Variants in HNF1A observed in about 807,000 individuals in gnomAD.
HNF1A encodes HNF1 homeobox A.
HNF1A carries 21 observed loss-of-function variants against 62.2 expected under a neutral mutation model. The ratio of observed to expected loss-of-function variants is 0.34; its 90% CI spans 0.24 to 0.49. HNF1A has a LOEUF of 0.49. Ranked by LOEUF, HNF1A falls within the 20% of genes least tolerant of loss-of-function variation. The pLI is 0.99. For missense variants in HNF1A, 687 were observed against 832.3 expected (o/e 0.83, Z 2.15); for synonymous variants, 374 against 366.8 (o/e 1.02, Z -0.22).
chr12:120,980,183 C>T (rs1292610115), intron 1 of HNF1A, among the ~76,000 whole-genome samples: 1 of 152,132 alleles, frequency 6.6e-6, no homozygotes, highest in South Asian at 2.1e-4. Flanking sequence ...GGCTTAGAGC[C>T]GGGAAGGAGC....
chr12:120,994,373 C>T lies in HNF1A; in HGVS notation c.923C>T (p.Pro308Leu), dbSNP rs754306821. Residue 308 changes from proline to leucine, a missense_variant, in exon 4 of 10, where the codon CCT becomes CTT. Physicochemically the swap from Pro to Leu is moderately conservative, Grantham distance 98. This residue lies in a region of HNF1A where 408 missense variants were observed against 455.3 expected (regional missense o/e 0.90). Coordinates refer to ENST00000257555, the MANE Select transcript of HNF1A (RefSeq NM_000545.8). ...ALPAHSSPGL[P>L]PPALSPSKVH... is the part of the protein sequence containing the mutation. Reference sequence around the variant, plus strand: ...CCCGCTCACAGCTCCCCTGGCCTGCCTCCACCTGCCCTCTCCCCCAGTAAG... The same window carrying T: ...CCCGCTCACAGCTCCCCTGGCCTGCTTCCACCTGCCCTCTCCCCCAGTAAG... 17 of 1,594,080 alleles carry T rather than the reference C, an allele frequency of 1.1e-5. No homozygotes were observed. The Admixed American group carries it at 1.2e-4, about 12-fold the overall frequency.
intron 4 of HNF1A, among the ~76,000 whole-genome samples, chr12:120,995,039 C>G (rs1877030807): frequency 6.6e-6 from 1 of 151,638 alleles, no homozygotes; most frequent in East Asian, 1.9e-4. Flanking sequence ...CCATCCACTC[C>G]CCTCCATCCA....
intron 1 of HNF1A, among the ~76,000 whole-genome samples, chr12:120,980,480 G>A (rs1423772848): frequency 3.9e-5 from 6 of 152,026 alleles, no homozygotes; most frequent in Non-Finnish European, 8.8e-5. Context: ...GCAGGAAGAG[G>A]AGGGCAAAGG....
At chr12:120,984,205 A>G (rs1286134908) in intron 1 of HNF1A, among the ~76,000 whole-genome samples, 1 of 152,106 alleles carries the variant, frequency 6.6e-6, no homozygotes. Flanking sequence ...AGCTCACTTT[A>G]ACAGTTTGCT....
At chr12:120,998,956 A>G (rs1346065139) in intron 7 of HNF1A, among the ~76,000 whole-genome samples, 1 of 152,180 alleles carries the variant, frequency 6.6e-6, no homozygotes, top group Non-Finnish European at 1.5e-5. Flanking sequence ...TGCTTAGTAC[A>G]GTAGCCCTGC....
intron 9 of HNF1A, among the ~76,000 whole-genome samples, chr12:121,000,312 C>T (rs1877367573): frequency 6.6e-6 from 1 of 152,138 alleles, no homozygotes; most frequent in Non-Finnish European, 1.5e-5. Flanking sequence ...TGTGTCCTGG[C>T]ATTCACCCCA....
intron 2 of HNF1A, among the ~76,000 whole-genome samples, chr12:120,991,462 C>T (rs1294553875): frequency 2.0e-5 from 3 of 152,150 alleles, no homozygotes; most frequent in African/African-American, 7.2e-5. Flanking sequence ...GACATAGTGG[C>T]GCATGCCTGT....
At chr12:121,000,996 C>A in intron 9 of HNF1A, 69 bp from the exon 10 acceptor site, 1 of 1,603,472 alleles carries the variant, frequency 6.2e-7, no homozygotes, top group South Asian at 1.1e-5. Context: ...CTGAGTACCC[C>A]TAGGGACAGG....
At chr12:120,998,229 A>G in intron 7 of HNF1A, 1 of 216,066 alleles carries the variant, frequency 4.6e-6, no homozygotes, top group South Asian at 7.9e-5. Context: ...GTGAGCTGAG[A>G]TTGTGCCACT....
At chr12:120,986,355 G>A (rs767941671) in intron 1 of HNF1A, among the ~76,000 whole-genome samples, 12 of 152,134 alleles carry the variant, frequency 7.9e-5, no homozygotes, top group Non-Finnish European at 1.5e-4. Flanking sequence ...TGGGCTCCTT[G>A]GTGGCTTCCA....
rs760168675 is a variant in HNF1A, at chr12:120,979,111, C to T, written c.326+17C>T. The T allele has an allele frequency of 4.1e-5, 65 of 1,595,008 alleles. No individual in the cohort carries two copies. Among genetic ancestry groups the T allele is most frequent in the Non-Finnish European group, 5.2e-5 (61 of 1,171,118 alleles). ...CCTTCTGCAGTAAGGAGCCCTGCCC[C>T]GTCCCCGCTCCCAGGAGAGCCTAGA... On this transcript the variant is annotated intron_variant, in intron 1 of 9. Transcript: ENST00000257555.
intron 1 of HNF1A, among the ~76,000 whole-genome samples, chr12:120,982,454 G>A (rs1244376035): frequency 1.3e-5 from 2 of 151,236 alleles, no homozygotes; most frequent in African/African-American, 2.4e-5. Flanking sequence ...CAGTAGCCAC[G>A]GCAGGAGGGG....
intron 2 of HNF1A, 115 bp downstream of exon 2, chr12:120,989,147 G>A (rs1876684473): frequency 1.0e-6 from 1 of 1,001,148 alleles, no homozygotes. Context: ...TAGATGGAAA[G>A]GAAGTCAGTG....
At chr12:120,987,306 C>T (rs1005348511) in intron 1 of HNF1A, among the ~76,000 whole-genome samples, 1 of 151,790 alleles carries the variant, frequency 6.6e-6, no homozygotes, top group Non-Finnish European at 1.5e-5. Context: ...AACCCCGTCT[C>T]TACTAAAAAT....
chr12:120,998,996 G>A (rs1877268683), intron 7 of HNF1A, among the ~76,000 whole-genome samples: 1 of 152,220 alleles, frequency 6.6e-6, no homozygotes, highest in Non-Finnish European at 1.5e-5. Context: ...TTTCATACCT[G>A]CTGTCTCCAG....
At chr12:120,982,736 G>C (rs766303185) in intron 1 of HNF1A, among the ~76,000 whole-genome samples, 1 of 152,028 alleles carries the variant, frequency 6.6e-6, no homozygotes, top group African/African-American at 2.4e-5. Context: ...GTGCCTTACC[G>C]AACGAAACTC....
Position 120,978,641 on chromosome 12 carries a change from T to G in HNF1A, c.-128T>G, listed in dbSNP as rs770577871. On this transcript the variant is annotated 5_prime_UTR_variant, in exon 1 of 10. Coordinates refer to ENST00000257555, the MANE Select transcript of HNF1A (RefSeq NM_000545.8). ...GCCCACAGGGCTTGGCTAGTGGGGT[T>G]TTGGGGGGGCAGTGGGTGCAAGGAG... The G allele has an allele frequency of 5.3e-5, 46 of 872,752 alleles. No individual in the cohort carries two copies. The highest frequency in any genetic ancestry group is 2.5e-4 in the Middle Eastern group (1 of 3,940). 54.1% of individuals were successfully genotyped at this position (872,752 alleles called of 1,614,324 possible). A position where few individuals can be genotyped will look rare whatever the true frequency, so the allele number is the denominator to read the frequency against.
At chr12:120,999,733 G>T in intron 9 of HNF1A, 106 bp downstream of exon 9, 1 of 1,391,326 alleles carries the variant, frequency 7.2e-7, no homozygotes, top group Non-Finnish European at 9.6e-7. Context: ...GCATGCAGCA[G>T]GCCTAGGGCT....
intron 2 of HNF1A, among the ~76,000 whole-genome samples, chr12:120,989,549 C>T (rs1344225199): frequency 6.6e-6 from 1 of 152,066 alleles, no homozygotes; most frequent in Non-Finnish European, 1.5e-5. Flanking sequence ...CGTGAGCCAC[C>T]ATACCCGGCC....
Sources: allele counts gnomAD v4.1 joint callset (sites outside exome capture counted in the v4.1 genomes callset), GRCh38; gene constraint gnomAD v4.1.1; regional missense constraint gnomAD v4.1.1; transcripts MANE v1.5; gene names NCBI Gene and HGNC (gene_info 2026-07-23, HGNC 2026-07-21).